Variants in CD2AP observed in about 807,000 individuals in gnomAD.
CD2AP encodes CD2-associated protein.
A neutral mutation model predicts 85.1 loss-of-function variants in CD2AP; 46 were observed. The ratio of observed to expected loss-of-function variants is 0.54; its 90% CI spans 0.43 to 0.69. The LOEUF (loss-of-function observed/expected upper bound fraction) is 0.69, where lower values mean the gene tolerates loss of function less well. Ranked by LOEUF, CD2AP falls within the 30% of genes least tolerant of loss-of-function variation. The pLI, the probability that CD2AP is intolerant of heterozygous loss-of-function variation, is 0.00. For synonymous variants in CD2AP, 255 were observed against 252.9 expected (o/e 1.01, Z -0.08); for missense variants, 769 against 729.5 (o/e 1.05, Z -0.62).
chr6:47,576,895 ATTAAG>A (rs1768329009), intron 7 of CD2AP, 109 bp from the exon 8 acceptor site: 1 of 719,672 alleles, frequency 1.4e-6, no homozygotes, highest in Admixed American at 2.1e-5. Flanking sequence ...TTTAAAGATA[ATTAAG>A]TTCATCTCTA....
intron 11 of CD2AP, among the ~76,000 whole-genome samples, chr6:47,583,218 C>G (rs536572323): frequency 5.9e-5 from 9 of 152,160 alleles, no homozygotes; most frequent in Non-Finnish European, 1.2e-4. Flanking sequence ...ACATTCTGTA[C>G]CAGAGTGGCA....
Position 47,521,651 on chromosome 6 carries a change from G to A in CD2AP, c.166-11951G>A, listed in dbSNP as rs796769791. Among the ~76,000 whole-genome samples the A allele has an allele frequency of 7.2e-5, 11 of 152,292 alleles. No individual in the cohort carries two copies. The South Asian group carries it at 2.3e-3, about 32-fold the overall frequency. On this transcript the variant is annotated intron_variant, in intron 2 of 17. Coordinates refer to ENST00000359314, the MANE Select transcript of CD2AP (RefSeq NM_012120.3). The stretch of plus-strand genomic sequence containing the variant: ...TAGTTGCCATTAAAAAAGAAGAATA[G>A]ATTTGCATTCAGCAAAAAGCTAATA...
chr6:47,574,374 A>G, intron 6 of CD2AP, 123 bp downstream of exon 6: 1 of 848,546 alleles, frequency 1.2e-6, no homozygotes. Flanking sequence ...TAATTTGGTT[A>G]TGAATGAGGA....
chr6:47,538,608 G>T (rs754152403), intron 3 of CD2AP, among the ~76,000 whole-genome samples: 15 of 152,136 alleles, frequency 9.9e-5, no homozygotes, highest in Admixed American at 7.2e-4. Context: ...AATAAAACCT[G>T]AAGATATTTT....
chr6:47,615,645 C>A (rs1192233967), intron 17 of CD2AP, among the ~76,000 whole-genome samples: 1 of 152,018 alleles, frequency 6.6e-6, no homozygotes, highest in Non-Finnish European at 1.5e-5. Context: ...CCCCATGATC[C>A]AAATACCTCT....
chr6:47,575,634 G>A (rs914562289), intron 6 of CD2AP, among the ~76,000 whole-genome samples: 14 of 152,278 alleles, frequency 9.2e-5, no homozygotes, highest in East Asian at 1.9e-4. Context: ...AGTTAGCAGT[G>A]TGTTCAGATT....
intron 1 of CD2AP, among the ~76,000 whole-genome samples, chr6:47,498,036 G>T (rs1200095718): frequency 1.3e-5 from 2 of 151,750 alleles, no homozygotes; most frequent in Non-Finnish European, 2.9e-5. Context: ...ATTTTGCGCA[G>T]CTGCAAATTT....
chr6:47,522,023 AAAAG>A (rs1232853856), intron 2 of CD2AP, among the ~76,000 whole-genome samples: 1 of 151,966 alleles, frequency 6.6e-6, no homozygotes, highest in East Asian at 1.9e-4. Context: ...CTCAAAAAAA[AAAAG>A]AAAGAAAGAT....
chr6:47,499,903 A>G (rs938430301), intron 1 of CD2AP, among the ~76,000 whole-genome samples: 3 of 152,026 alleles, frequency 2.0e-5, no homozygotes, highest in Admixed American at 1.3e-4. Flanking sequence ...TAATTTTTGT[A>G]TTTTTAGTAG....
chr6:47,604,023 T>C (rs1455506066), intron 13 of CD2AP, among the ~76,000 whole-genome samples: 4 of 152,116 alleles, frequency 2.6e-5, no homozygotes, highest in African/African-American at 9.6e-5. Context: ...GTTTAAAATA[T>C]TCTTTTGATA....
chr6:47,498,474 T>G (rs889330257), intron 1 of CD2AP, among the ~76,000 whole-genome samples: 1 of 152,216 alleles, frequency 6.6e-6, no homozygotes, highest in Non-Finnish European at 1.5e-5. Context: ...GAAGATTGTT[T>G]TAGGATTATT....
chr6:47,589,088 G>A (rs1162731241), intron 11 of CD2AP, among the ~76,000 whole-genome samples: 1 of 152,036 alleles, frequency 6.6e-6, no homozygotes, highest in African/African-American at 2.4e-5. Flanking sequence ...AGATACTAAT[G>A]ATTATGACGA....
At chr6:47,494,883 C>A (rs1349566539) in intron 1 of CD2AP, among the ~76,000 whole-genome samples, 1 of 152,176 alleles carries the variant, frequency 6.6e-6, no homozygotes, top group East Asian at 1.9e-4. Context: ...GTTGGCTGGG[C>A]ATGGTGGCTC....
intron 2 of CD2AP, among the ~76,000 whole-genome samples, chr6:47,522,644 A>G (rs528047162): frequency 7.9e-4 from 121 of 152,272 alleles, no homozygotes; most frequent in Middle Eastern, 3.4e-3. Context: ...TAAGTTTTTC[A>G]GGAAGCTGAC....
At chr6:47,623,774 A>G (rs1769823986) in intron 17 of CD2AP, among the ~76,000 whole-genome samples, 1 of 152,178 alleles carries the variant, frequency 6.6e-6, no homozygotes, top group Admixed American at 6.5e-5. Context: ...AAGTATAATT[A>G]GTGAAAAACA....
chr6:47,580,866 A>G lies in CD2AP; in HGVS notation c.1011A>G (p.Lys337=), dbSNP rs755941979. The G allele has an allele frequency of 1.9e-6, 3 of 1,605,936 alleles. No homozygotes were observed. The East Asian group carries it at 6.7e-5, about 36-fold the overall frequency. Residue 337 remains lysine, a splice_region_variant and synonymous_variant, in exon 10 of 18, where the codon AAA becomes AAG. Transcript: ENST00000359314. ...TTCCACCATTATTATTTTAACAGAA[A>G]CCAAAGAAACCACCACCTCCTGCTA... ...QINELDKDFP[K]PKKPPPPAKA... is the part of the protein sequence containing the mutation.
intron 1 of CD2AP, among the ~76,000 whole-genome samples, chr6:47,495,397 G>C (rs1239354700): frequency 6.6e-6 from 1 of 152,144 alleles, no homozygotes; most frequent in Non-Finnish European, 1.5e-5. Context: ...GGGGCATGGA[G>C]TGATTCTTCA....
At chr6:47,589,582 T>TATATATATATA (rs1768736377) in intron 11 of CD2AP, among the ~76,000 whole-genome samples, 1 of 53,140 alleles carries the variant, frequency 1.9e-5, no homozygotes, top group Non-Finnish European at 5.6e-5. Context: ...ATATATATAT[T>TATATATATATA]TGTCAGAGTC....
At chr6:47,560,356 T>A (rs2114073049) in intron 5 of CD2AP, among the ~76,000 whole-genome samples, 1 of 152,306 alleles carries the variant, frequency 6.6e-6, no homozygotes, top group Admixed American at 6.5e-5. Flanking sequence ...GTAATCTCCA[T>A]ACACCTTTTT....
Sources: gnomAD v4.1 joint callset for allele counts (sites outside exome capture counted in the v4.1 genomes callset) on GRCh38, gnomAD v4.1.1 for gene constraint, MANE v1.5 for transcripts, NCBI Gene and HGNC (gene_info 2026-07-23, HGNC 2026-07-21) for gene names.